PSD3: variants seen among roughly 807,000 people sequenced by gnomAD.
PSD3 encodes PH and SEC7 domain-containing protein 3.
Under a neutral mutation model 105.5 loss-of-function variants are expected in PSD3, and 49 were observed. That is an observed-to-expected ratio of 0.46 (90% CI 0.37 to 0.59). PSD3 has a LOEUF of 0.59. Among genes scored for constraint, PSD3 ranks in the 20% least tolerant of loss-of-function variants. PSD3 has a pLI of 0.00. For synonymous variants in PSD3, 557 were observed against 457.8 expected (o/e 1.22, Z -2.77); for missense variants, 1,561 against 1,263.8 (o/e 1.24, Z -3.57).
At chr8:18,942,628 T>C (rs564343046) in intron 1 of PSD3, among the ~76,000 whole-genome samples, 124 of 152,272 alleles carry the variant, frequency 8.1e-4, no homozygotes, top group Middle Eastern at 6.8e-3. Flanking sequence ...TGTCTTCATA[T>C]GAAAAGATGA....
chr8:18,657,958 T>A (rs1444578895), intron 9 of PSD3, among the ~76,000 whole-genome samples: 1 of 152,222 alleles, frequency 6.6e-6, no homozygotes, highest in South Asian at 2.1e-4. Flanking sequence ...CTAGCACAAA[T>A]TTTTTCAAAT....
intron 9 of PSD3, among the ~76,000 whole-genome samples, chr8:18,719,114 G>A (rs1052390551): frequency 2.0e-5 from 3 of 152,140 alleles, no homozygotes; most frequent in Admixed American, 1.3e-4. Context: ...CTGTGACTTC[G>A]GATAGTCCCG....
At chr8:18,797,069 A>C (rs1210676350) in intron 8 of PSD3, among the ~76,000 whole-genome samples, 1 of 152,192 alleles carries the variant, frequency 6.6e-6, no homozygotes, top group Non-Finnish European at 1.5e-5. Flanking sequence ...ACCACCTAGA[A>C]GAATAATTTA....
chr8:18,542,834 C>T lies in PSD3; in HGVS notation c.2929-6876G>A, dbSNP rs772888005. ...GGACAAAGACAGTTCCAGAAAAATG[C>T]GTGCCTCAGGGTCAGTTTTGCTACC... On this transcript the variant is annotated intron_variant, in intron 15 of 15. Transcript: ENST00000327040. 3.3e-5 allele frequency among the ~76,000 whole-genome samples: 5 copies of T among 152,114 alleles called. No individual in the cohort carries two copies. The South Asian group carries it at 8.3e-4, about 25-fold the overall frequency.
chr8:18,568,920 C>T (rs2634443), intron 14 of PSD3, among the ~76,000 whole-genome samples: 135,342 of 145,364 alleles, frequency 0.93, 63,184 homozygotes, highest in Non-Finnish European at 0.97. Context: ...TGTGATCTCA[C>T]TGTTCAGTTC....
At chr8:18,702,755 G>A (rs555224451) in intron 9 of PSD3, among the ~76,000 whole-genome samples, 24 of 152,036 alleles carry the variant, frequency 1.6e-4, no homozygotes, top group African/African-American at 5.1e-4. Flanking sequence ...TGGGACTACC[G>A]GTGCCCGCCA....
intron 1 of PSD3, among the ~76,000 whole-genome samples, chr8:18,958,277 C>T (rs1481988816): frequency 1.3e-5 from 2 of 152,134 alleles, no homozygotes; most frequent in Non-Finnish European, 2.9e-5. Context: ...TGCACACAAA[C>T]ACACAGGCTA....
chr8:18,591,578 C>T (rs1046749210), intron 12 of PSD3, among the ~76,000 whole-genome samples: 2 of 152,148 alleles, frequency 1.3e-5, no homozygotes, highest in African/African-American at 4.8e-5. Flanking sequence ...ACAGAACTAG[C>T]ATAGCTTGGA....
intron 8 of PSD3, among the ~76,000 whole-genome samples, chr8:18,782,930 G>A (rs1044347671): frequency 6.6e-6 from 1 of 152,174 alleles, no homozygotes; most frequent in African/African-American, 2.4e-5. Flanking sequence ...GTTGAATTAG[G>A]TTTGTTTTAG....
intron 2 of PSD3, among the ~76,000 whole-genome samples, chr8:18,891,912 T>G (rs1384287090): frequency 1.3e-5 from 2 of 152,186 alleles, no homozygotes; most frequent in Non-Finnish European, 2.9e-5. Flanking sequence ...TATTCATTCC[T>G]TTTTACAAAA....
At chr8:19,057,952 C>G (rs544507936) in intron 1 of PSD3, among the ~76,000 whole-genome samples, 19 of 152,246 alleles carry the variant, frequency 1.2e-4, no homozygotes, top group Non-Finnish European at 2.1e-4. Flanking sequence ...CCCTAGAGAA[C>G]TGAGAACTTC....
chr8:18,741,660 C>T (rs1489566126), intron 9 of PSD3, among the ~76,000 whole-genome samples: 2 of 152,056 alleles, frequency 1.3e-5, no homozygotes, highest in Admixed American at 6.6e-5. Context: ...ATTTTAAAAT[C>T]CAATCCTGTG....
At chr8:18,575,627 T>C (rs993656056) in intron 12 of PSD3, among the ~76,000 whole-genome samples, 1 of 152,202 alleles carries the variant, frequency 6.6e-6, no homozygotes, top group Non-Finnish European at 1.5e-5. Flanking sequence ...AAATGAGACT[T>C]GGACCAATAG....
At chr8:18,960,948 T>G (rs1823873583) in intron 1 of PSD3, among the ~76,000 whole-genome samples, 1 of 151,990 alleles carries the variant, frequency 6.6e-6, no homozygotes, top group Admixed American at 6.6e-5. Context: ...TAGGCTGTTG[T>G]GGCACTGAGC....
At chr8:18,826,960 G>C (rs1038048235) in intron 4 of PSD3, among the ~76,000 whole-genome samples, 3 of 152,120 alleles carry the variant, frequency 2.0e-5, no homozygotes, top group Admixed American at 6.5e-5. Flanking sequence ...TATGATAATA[G>C]TATCAGCTCA....
At chr8:18,688,006 T>C (rs1366896025) in intron 9 of PSD3, among the ~76,000 whole-genome samples, 1 of 152,154 alleles carries the variant, frequency 6.6e-6, no homozygotes, top group African/African-American at 2.4e-5. Context: ...TAACCTCAGG[T>C]AATCCACCCT....
chr8:18,677,380 C>T (rs1308426217), intron 9 of PSD3, among the ~76,000 whole-genome samples: 2 of 152,078 alleles, frequency 1.3e-5, no homozygotes, highest in Non-Finnish European at 2.9e-5. Flanking sequence ...GAATTAAAGA[C>T]CAGCCTGGCC....
chr8:18,603,218 C>T (rs1804564227), intron 11 of PSD3, among the ~76,000 whole-genome samples: 1 of 152,186 alleles, frequency 6.6e-6, no homozygotes. Flanking sequence ...TGCTTTCCTT[C>T]TTGAAAATAC....
intron 15 of PSD3, among the ~76,000 whole-genome samples, chr8:18,543,068 G>C (rs938153063): frequency 1.3e-5 from 2 of 152,062 alleles, no homozygotes; most frequent in African/African-American, 4.8e-5. Context: ...TGCAATGGCA[G>C]ATCTCTGCTG....
Sources: gnomAD v4.1 joint callset for allele counts (sites outside exome capture counted in the v4.1 genomes callset) on GRCh38, gnomAD v4.1.1 for gene constraint, MANE v1.5 for transcripts, NCBI Gene and HGNC (gene_info 2026-07-23, HGNC 2026-07-21) for gene names.